Variants in NPAS3 observed in about 807,000 individuals in gnomAD.
NPAS3 encodes the protein neuronal PAS domain-containing protein 3.
Under a neutral mutation model 73.1 loss-of-function variants are expected in NPAS3, and 14 were observed. The ratio of observed to expected loss-of-function variants is 0.19; its 90% CI spans 0.13 to 0.30. The LOEUF (loss-of-function observed/expected upper bound fraction) is 0.30. Among genes scored for constraint, NPAS3 ranks in the 10% least tolerant of loss-of-function variants. The probability of loss-of-function intolerance (pLI) is 1.00; values close to 1 mark genes in which losing one functional copy is unlikely to be tolerated. For synonymous variants in NPAS3, 620 were observed against 541.5 expected (o/e 1.14, Z -2.01); for missense variants, 1,096 against 1,250.0 (o/e 0.88, Z 1.86).
chr14:33,538,865 C>T (rs2054375654), intron 4 of NPAS3, among the ~76,000 whole-genome samples: 2 of 152,164 alleles, frequency 1.3e-5, no homozygotes, highest in African/African-American at 2.4e-5. Flanking sequence ...CTCATCAAAC[C>T]TTACCCACCC....
At chr14:33,677,684 T>C (rs1020029222) in intron 6 of NPAS3, among the ~76,000 whole-genome samples, 1 of 152,072 alleles carries the variant, frequency 6.6e-6, no homozygotes, top group African/African-American at 2.4e-5. Flanking sequence ...TTTTCCTCAC[T>C]GAAGTTAACT....
chr14:33,019,534 G>T (rs1262378962), intron 1 of NPAS3, among the ~76,000 whole-genome samples: 1 of 152,028 alleles, frequency 6.6e-6, no homozygotes, highest in East Asian at 1.9e-4. Flanking sequence ...TGCACTGCAT[G>T]GCTTATTTTA....
chr14:33,360,167 C>G (rs1453366898), intron 3 of NPAS3, among the ~76,000 whole-genome samples: 1 of 152,222 alleles, frequency 6.6e-6, no homozygotes, highest in Non-Finnish European at 1.5e-5. Context: ...GCCTGAGACT[C>G]AGTACATATT....
At chr14:33,018,720 T>C (rs990742895) in intron 1 of NPAS3, among the ~76,000 whole-genome samples, 18 of 152,198 alleles carry the variant, frequency 1.2e-4, no homozygotes, top group African/African-American at 4.3e-4. Flanking sequence ...ACCATAATTT[T>C]AGTTAGTAAA....
At chr14:33,533,620 A>G (rs1342582177) in intron 4 of NPAS3, among the ~76,000 whole-genome samples, 2 of 152,162 alleles carry the variant, frequency 1.3e-5, no homozygotes, top group African/African-American at 4.8e-5. Flanking sequence ...ACACTACACT[A>G]AATAAATCTT....
intron 3 of NPAS3, chr14:33,215,691 C>A: frequency 1.5e-6 from 1 of 655,030 alleles, no homozygotes. Flanking sequence ...TGAAATGACA[C>A]ATTAAAATGC....
chr14:33,612,744 T>C (rs1264208734), intron 5 of NPAS3, among the ~76,000 whole-genome samples: 1 of 152,128 alleles, frequency 6.6e-6, no homozygotes, highest in Non-Finnish European at 1.5e-5. Context: ...CTAGCTGACC[T>C]CCCTCCCGTA....
intron 3 of NPAS3, among the ~76,000 whole-genome samples, chr14:33,288,941 A>G (rs1368378653): frequency 6.6e-6 from 1 of 152,204 alleles, no homozygotes; most frequent in Admixed American, 6.5e-5. Flanking sequence ...TGCCTGGCAT[A>G]TAGAAGGTGG....
At chr14:33,784,134 C>A (rs2138553653) in intron 9 of NPAS3, among the ~76,000 whole-genome samples, 1 of 152,300 alleles carries the variant, frequency 6.6e-6, no homozygotes, top group Non-Finnish European at 1.5e-5. Context: ...TAATATCCAA[C>A]CTAGTAAGCA....
intron 5 of NPAS3, among the ~76,000 whole-genome samples, chr14:33,599,603 C>T (rs1201682829): frequency 4.6e-5 from 7 of 152,134 alleles, no homozygotes; most frequent in Admixed American, 1.3e-4. Flanking sequence ...TTCCCTTCTA[C>T]TGTAAAACTG....
rs201806998 is a variant in NPAS3 at position 33,215,482 on chromosome 14, A to T, written c.385+56A>T. On this transcript the variant is annotated intron_variant, in intron 3 of 11. Coordinates refer to ENST00000356141, the Ensembl canonical transcript of NPAS3. The stretch of plus-strand genomic sequence containing the variant: ...ATGATGGTCTGTAGGGGTCTGTAAG[A>T]CAAAATGTTTACCATCATCCTTTCT... 9.6e-4 allele frequency: 1,522 copies of T among 1,581,854 alleles called. 2 individuals are homozygous for T. The highest frequency in any genetic ancestry group is 1.6e-3 in the South Asian group (147 of 89,870).
intron 2 of NPAS3, among the ~76,000 whole-genome samples, chr14:33,065,593 T>C (rs531042967): frequency 2.7e-4 from 41 of 152,188 alleles, no homozygotes; most frequent in African/African-American, 9.6e-4. Flanking sequence ...TGAGAATTCT[T>C]TGGAATTGGG....
chr14:33,740,266 A>G (rs1163122066), intron 7 of NPAS3, among the ~76,000 whole-genome samples: 1 of 152,206 alleles, frequency 6.6e-6, no homozygotes, highest in East Asian at 1.9e-4. Flanking sequence ...AGGCATAGAA[A>G]TACAAATTGA....
Position 33,778,675 on chromosome 14 carries a change from A to G in NPAS3, c.1153+103A>G, listed in dbSNP as rs1286141334. 3.7e-5 allele frequency: 27 copies of G among 737,472 alleles called. No individual in the cohort carries two copies. The Admixed American group carries it at 5.6e-4, about 15-fold the overall frequency. The allele number at this position is 737,472 out of a possible 1,614,324, so 45.7% of individuals were successfully genotyped here. ...TTTTCCCTTCATCTTTCCTGTGTAC[A>G]TTTCAGATGACTGTCAGTGTGCAGT... On this transcript the variant is annotated intron_variant, in intron 9 of 11. Coordinates refer to ENST00000356141, the Ensembl canonical transcript of NPAS3.
chr14:33,008,781 A>G (rs1200641459), intron 1 of NPAS3, among the ~76,000 whole-genome samples: 1 of 152,182 alleles, frequency 6.6e-6, no homozygotes, highest in Admixed American at 6.5e-5. Flanking sequence ...ATCTTTGAAC[A>G]TTATGAAATT....
chr14:33,522,409 G>A (rs2053596406), intron 4 of NPAS3, among the ~76,000 whole-genome samples: 1 of 151,870 alleles, frequency 6.6e-6, no homozygotes, highest in Admixed American at 6.6e-5. Context: ...TGATGTAGTT[G>A]TATCCCTGTG....
intron 4 of NPAS3, among the ~76,000 whole-genome samples, chr14:33,479,452 C>T (rs1031118896): frequency 1.3e-5 from 2 of 152,160 alleles, no homozygotes; most frequent in Non-Finnish European, 1.5e-5. Flanking sequence ...GACCACCCTT[C>T]ACCCACTTGT....
chr14:33,801,199 T>A, downstream of NPAS3: 1 of 1,507,474 alleles, frequency 6.6e-7, no homozygotes, highest in Non-Finnish European at 8.8e-7. Flanking sequence ...GCACTTTGAA[T>A]TCGAGCAGGT....
At chr14:33,600,269 A>G (rs1227332106) in intron 5 of NPAS3, among the ~76,000 whole-genome samples, 1 of 152,186 alleles carries the variant, frequency 6.6e-6, no homozygotes, top group Non-Finnish European at 1.5e-5. Context: ...CTTGTTAAAT[A>G]ACCAAATCAA....
Sources: gnomAD v4.1 joint callset for allele counts (sites outside exome capture counted in the v4.1 genomes callset) on GRCh38, gnomAD v4.1.1 for gene constraint, MANE v1.5 for transcripts, NCBI Gene and HGNC (gene_info 2026-07-23, HGNC 2026-07-21) for gene names.